The following CDH12 variants were observed in gnomAD, a reference collection of about 807,000 sequenced individuals.
CDH12 encodes the protein cadherin 12.
In CDH12, 41 loss-of-function variants were observed where a neutral mutation model predicts 74.1. That is an observed-to-expected ratio of 0.55 (90% CI 0.43 to 0.72). The LOEUF (loss-of-function observed/expected upper bound fraction) is 0.72, where lower values mean the gene tolerates loss of function less well. CDH12 is among the 30% of genes least tolerant of loss of function. The probability of loss-of-function intolerance (pLI) is 0.00; values close to 1 mark genes in which losing one functional copy is unlikely to be tolerated. For missense variants in CDH12, 945 were observed against 977.2 expected (o/e 0.97, Z 0.44); for synonymous variants, 399 against 355.0 (o/e 1.12, Z -1.39).
chr5:22,437,853 C>T (rs1744469144), intron 2 of CDH12, among the ~76,000 whole-genome samples: 2 of 151,952 alleles, frequency 1.3e-5, no homozygotes, highest in African/African-American at 4.8e-5. Context: ...CAGATACACC[C>T]ACAGTTGTAA....
At chr5:22,121,692 G>T (rs1000514917) in intron 4 of CDH12, among the ~76,000 whole-genome samples, 1 of 151,978 alleles carries the variant, frequency 6.6e-6, no homozygotes, top group Non-Finnish European at 1.5e-5. Flanking sequence ...ATATTTTTGT[G>T]TATTCCTTTT....
intron 1 of CDH12, among the ~76,000 whole-genome samples, chr5:22,520,790 T>C (rs1737020384): frequency 2.0e-5 from 3 of 152,140 alleles, no homozygotes; most frequent in African/African-American, 7.2e-5. Flanking sequence ...CAAGTGTGAC[T>C]AAGATATATA....
chr5:21,763,239 G>T (rs192451473), intron 12 of CDH12, among the ~76,000 whole-genome samples: 1 of 152,256 alleles, frequency 6.6e-6, no homozygotes, highest in East Asian at 1.9e-4. Flanking sequence ...AATGTCCATG[G>T]TTATGAAAAT....
intron 8 of CDH12, among the ~76,000 whole-genome samples, chr5:21,837,480 T>G (rs1049714591): frequency 2.0e-5 from 3 of 152,018 alleles, no homozygotes; most frequent in African/African-American, 7.2e-5. Context: ...TTTTTTTTTT[T>G]TTTTAGCATA....
At chr5:21,894,382 G>GAAAAAAA (rs376989106) in intron 6 of CDH12, among the ~76,000 whole-genome samples, 7 of 73,386 alleles carry the variant, frequency 9.5e-5, no homozygotes, top group African/African-American at 2.2e-4. Flanking sequence ...CCGTCTCAAA[G>GAAAAAAA]AAAAAAAAAA....
At chr5:22,273,733 A>G (rs1736505668) in intron 3 of CDH12, among the ~76,000 whole-genome samples, 1 of 152,038 alleles carries the variant, frequency 6.6e-6, no homozygotes. Flanking sequence ...TTTTGGTGGG[A>G]TTATTCCTAT....
chr5:21,791,284 G>A (rs1579708462), intron 10 of CDH12, among the ~76,000 whole-genome samples: 2 of 152,086 alleles, frequency 1.3e-5, no homozygotes, highest in East Asian at 3.9e-4. Context: ...TATAAGAAAA[G>A]ACCATCAATG....
At chr5:21,787,313 C>T (rs894678437) in intron 10 of CDH12, among the ~76,000 whole-genome samples, 2 of 152,128 alleles carry the variant, frequency 1.3e-5, no homozygotes, top group Non-Finnish European at 2.9e-5. Flanking sequence ...ACAACCACCA[C>T]CCCAATTAGT....
At chr5:22,341,998 G>T (rs1166680291) in intron 3 of CDH12, among the ~76,000 whole-genome samples, 2 of 152,100 alleles carry the variant, frequency 1.3e-5, no homozygotes, top group Admixed American at 1.3e-4. Context: ...GAGGCAGAAA[G>T]TCCAAGATCA....
chr5:22,252,947 G>A (rs72742053), intron 3 of CDH12, among the ~76,000 whole-genome samples: 14,249 of 151,674 alleles, frequency 0.094, 700 homozygotes, highest in South Asian at 0.17. Context: ...TGTCATTACT[G>A]ATTAATAAGT....
At chr5:22,459,172 T>C (rs902226936) in intron 2 of CDH12, among the ~76,000 whole-genome samples, 7 of 152,210 alleles carry the variant, frequency 4.6e-5, no homozygotes, top group African/African-American at 1.4e-4. Flanking sequence ...TTTTAGTTTT[T>C]CATCTTAAAA....
intron 5 of CDH12, among the ~76,000 whole-genome samples, chr5:22,070,653 C>T (rs1301639360): frequency 6.6e-6 from 1 of 152,148 alleles, no homozygotes; most frequent in Non-Finnish European, 1.5e-5. Flanking sequence ...TGAACTTGTA[C>T]CTACACAACT....
chr5:21,950,556 A>G (rs1755804629), intron 6 of CDH12, among the ~76,000 whole-genome samples: 1 of 151,674 alleles, frequency 6.6e-6, no homozygotes, highest in African/African-American at 2.4e-5. Flanking sequence ...AAAAAACAAA[A>G]ATCAAAAACG....
In CDH12 at chr5:22,703,778, A is replaced by G. The variant is rs189142220; in HGVS notation, c.-523+149280T>C. On this transcript the variant is annotated intron_variant, in intron 1 of 14. Transcript: ENST00000382254. ...TGAAAACCATAGAAAAGACAATAAA[A>G]CTTTAAATAAAATGTAATTTTAATA... Among the ~76,000 whole-genome samples, 1,496 of 152,242 alleles carry G rather than the reference A, an allele frequency of 9.8e-3. 11 individuals carry two copies. The highest frequency in any genetic ancestry group is 0.014 in the Admixed American group (219 of 15,270).
intron 6 of CDH12, among the ~76,000 whole-genome samples, chr5:21,968,826 C>T (rs1470239647): frequency 6.6e-6 from 1 of 152,030 alleles, no homozygotes; most frequent in African/African-American, 2.4e-5. Flanking sequence ...ATGTCCTTTG[C>T]AGGGACGTGG....
intron 3 of CDH12, among the ~76,000 whole-genome samples, chr5:22,272,253 C>G (rs958163111): frequency 2.6e-5 from 4 of 152,138 alleles, no homozygotes; most frequent in African/African-American, 9.7e-5. Context: ...CCTCATGAAC[C>G]AACCTCTGTT....
chr5:21,815,539 AAT>A (rs1206413458), intron 9 of CDH12, among the ~76,000 whole-genome samples: 2 of 152,186 alleles, frequency 1.3e-5, no homozygotes, highest in Non-Finnish European at 2.9e-5. Flanking sequence ...ATTTCTTCCT[AAT>A]ATTTCAACTA....
intron 3 of CDH12, among the ~76,000 whole-genome samples, chr5:22,242,934 T>C (rs1055239021): frequency 2.0e-5 from 3 of 152,200 alleles, no homozygotes; most frequent in Non-Finnish European, 1.5e-5. Flanking sequence ...GCTTCAGGTA[T>C]TGGTCTGATT....
At chr5:22,388,346 TA>T (rs1742089791) in intron 3 of CDH12, among the ~76,000 whole-genome samples, 1 of 151,900 alleles carries the variant, frequency 6.6e-6, no homozygotes, top group South Asian at 2.1e-4. Flanking sequence ...TATAATAATA[TA>T]TTAAAGAAAA....
Sources: gnomAD v4.1 joint callset for allele counts (sites outside exome capture counted in the v4.1 genomes callset) on GRCh38, gnomAD v4.1.1 for gene constraint, MANE v1.5 for transcripts, NCBI Gene and HGNC (gene_info 2026-07-23, HGNC 2026-07-21) for gene names.